LIN28B: variants seen among roughly 807,000 people sequenced by gnomAD.
LIN28B encodes the protein lin-28 RNA binding posttranscriptional regulator B.
Under a neutral mutation model 21.9 loss-of-function variants are expected in LIN28B, and 5 were observed. That is an observed-to-expected ratio of 0.23 (90% CI 0.12 to 0.48). LIN28B has a LOEUF of 0.48. Among genes scored for constraint, LIN28B ranks in the 20% least tolerant of loss-of-function variants. The probability of loss-of-function intolerance (pLI) is 0.98; values close to 1 mark genes in which losing one functional copy is unlikely to be tolerated. For synonymous variants in LIN28B, 109 were observed against 111.3 expected (o/e 0.98, Z 0.13); for missense variants, 245 against 310.5 (o/e 0.79, Z 1.58).
intron 2 of LIN28B, among the ~76,000 whole-genome samples, chr6:104,992,697 A>C (rs1770517239): frequency 6.6e-6 from 1 of 151,410 alleles, no homozygotes; most frequent in South Asian, 2.1e-4. Context: ...TTTTGTAGAG[A>C]TGGGATCTCT....
intron 3 of LIN28B, among the ~76,000 whole-genome samples, chr6:105,032,992 T>G (rs1241118313): frequency 1.3e-5 from 2 of 152,172 alleles, no homozygotes; most frequent in African/African-American, 4.8e-5. Context: ...TGACTGTGGC[T>G]TGTCGTTTCA....
At chr6:104,943,842 T>C (rs1482648407) in intron 2 of LIN28B, among the ~76,000 whole-genome samples, 1 of 152,170 alleles carries the variant, frequency 6.6e-6, no homozygotes, top group African/African-American at 2.4e-5. Context: ...ATTCTTTACA[T>C]TCAAATACTT....
At chr6:104,996,880 G>A (rs1314094050) in intron 2 of LIN28B, among the ~76,000 whole-genome samples, 1 of 152,192 alleles carries the variant, frequency 6.6e-6, no homozygotes, top group Non-Finnish European at 1.5e-5. Flanking sequence ...CTACTTGGGG[G>A]AAGCTAAGGT....
In LIN28B at chr6:105,078,764, A is replaced by C. The variant is rs1435713194; in HGVS notation, c.734A>C (p.Gln245Pro). ...EEQSKKGPSV[Q>P]KRKKT ...CAAAGCAAAAAGGGGCCTTCAGTTC[A>C]AAAAAGGAAAAAGACATAACAGGTC... Residue 245 changes from glutamine (Q) to proline (P), a missense_variant, in exon 4 of 4, where the codon CAA (glutamine) becomes CCA (proline). Physicochemically the swap from Gln to Pro is moderately conservative, Grantham distance 76 (BLOSUM62 -1). Transcript: ENST00000345080. The C allele has an allele frequency of 6.2e-7, 1 of 1,613,026 alleles. No individual in the cohort carries two copies. The highest frequency in any genetic ancestry group is 1.7e-5 in the Admixed American group (1 of 59,804).
chr6:104,949,321 C>G (rs2114551037), intron 2 of LIN28B, among the ~76,000 whole-genome samples: 1 of 152,286 alleles, frequency 6.6e-6, no homozygotes, highest in Non-Finnish European at 1.5e-5. Context: ...TAGGATCTGT[C>G]ATTATCTTGT....
At chr6:104,997,703 C>T (rs1770641670) in intron 2 of LIN28B, among the ~76,000 whole-genome samples, 1 of 152,140 alleles carries the variant, frequency 6.6e-6, no homozygotes, top group African/African-American at 2.4e-5. Context: ...TGGTAAGAAG[C>T]TCATACTTGT....
At chr6:104,955,603 T>C (rs1393722094), upstream of LIN28B, among the ~76,000 whole-genome samples, 1 of 152,024 alleles carries the variant, frequency 6.6e-6, no homozygotes, top group Admixed American at 6.6e-5. Context: ...CTTCGATTCA[T>C]AATCCCTACA....
intron 2 of LIN28B, among the ~76,000 whole-genome samples, chr6:104,975,401 T>G (rs189800113): frequency 3.3e-5 from 5 of 152,152 alleles, no homozygotes; most frequent in Non-Finnish European, 7.4e-5. Flanking sequence ...TTTAAATGCT[T>G]GCTAACACTA....
chr6:105,039,680 G>A (rs906458964), intron 3 of LIN28B, among the ~76,000 whole-genome samples: 9 of 152,126 alleles, frequency 5.9e-5, no homozygotes, highest in African/African-American at 2.2e-4. Context: ...TTAACCATTT[G>A]TTCAAGTTAT....
At chr6:105,042,027 A>G (rs749435519) in intron 3 of LIN28B, among the ~76,000 whole-genome samples, 10 of 152,178 alleles carry the variant, frequency 6.6e-5, no homozygotes, top group Non-Finnish European at 1.2e-4. Flanking sequence ...ATTCTCACAA[A>G]AGTTCAGAAT....
intron 2 of LIN28B, among the ~76,000 whole-genome samples, chr6:104,949,113 A>G (rs1778190181): frequency 6.6e-6 from 1 of 152,154 alleles, no homozygotes; most frequent in Non-Finnish European, 1.5e-5. Flanking sequence ...TCTTCTCTAA[A>G]TATAAGCAGA....
intron 2 of LIN28B, among the ~76,000 whole-genome samples, chr6:104,992,005 A>AGGGAGG (rs1211331069): frequency 3.6e-5 from 3 of 82,758 alleles, no homozygotes; most frequent in African/African-American, 4.7e-5. Context: ...CCGTGGAAAG[A>AGGGAGG]GGGAGGGGGA....
chr6:104,977,715 G>C (rs1770130085), intron 2 of LIN28B, among the ~76,000 whole-genome samples: 1 of 152,052 alleles, frequency 6.6e-6, no homozygotes, highest in African/African-American at 2.4e-5. Flanking sequence ...GTACAGGCGT[G>C]CGCCACCATG....
At chr6:104,975,841 C>CTT (rs532004311) in intron 2 of LIN28B, among the ~76,000 whole-genome samples, 105 of 135,374 alleles carry the variant, frequency 7.8e-4, no homozygotes, top group Middle Eastern at 3.9e-3. Flanking sequence ...TCTTCTTCTT[C>CTT]TTTTTTTTTT....
In LIN28B at chr6:105,082,256, A is replaced by G. The variant is rs1436137975; in HGVS notation, c.*3473A>G. ...GTAAGAAAAAAGATCAAGAAATGTC[A>G]TGTTATTAGCATCAGTCCACCTCCA... On this transcript the variant is annotated 3_prime_UTR_variant, in exon 4 of 4. Coordinates refer to ENST00000345080, the MANE Select transcript of LIN28B (RefSeq NM_001004317.4). 5 of 152,660 alleles carry G rather than the reference A, an allele frequency of 3.3e-5. No individual in the cohort carries two copies. The highest frequency in any genetic ancestry group is 9.6e-5 in the African/African-American group (4 of 41,468). 9.5% of individuals were successfully genotyped at this position (152,660 alleles called of 1,614,324 possible).
intron 2 of LIN28B, among the ~76,000 whole-genome samples, chr6:105,023,155 A>G (rs1771170776): frequency 7.6e-6 from 1 of 131,912 alleles, no homozygotes; most frequent in Non-Finnish European, 1.5e-5. Flanking sequence ...GCAAAGACAG[A>G]GTATTCTGTG....
At chr6:105,048,980 TTGA>T (rs1309182744) in intron 3 of LIN28B, among the ~76,000 whole-genome samples, 1 of 152,164 alleles carries the variant, frequency 6.6e-6, no homozygotes, top group African/African-American at 2.4e-5. Flanking sequence ...CCTGGATTCA[TTGA>T]TGTTTTGAAG....
chr6:104,996,450 C>T (rs1004448484), intron 2 of LIN28B, among the ~76,000 whole-genome samples: 2 of 152,142 alleles, frequency 1.3e-5, no homozygotes, highest in Non-Finnish European at 2.9e-5. Flanking sequence ...CAGATAGTGC[C>T]AAGACAGCTC....
intron 2 of LIN28B, among the ~76,000 whole-genome samples, chr6:105,023,105 CA>C (rs1395533422): frequency 4.2e-5 from 6 of 143,936 alleles, no homozygotes; most frequent in African/African-American, 1.5e-4. Flanking sequence ...TACCTTTCAA[CA>C]ATCTTTTCCA....
Sources: gnomAD v4.1 joint callset for allele counts (sites outside exome capture counted in the v4.1 genomes callset) on GRCh38, gnomAD v4.1.1 for gene constraint, MANE v1.5 for transcripts, NCBI Gene and HGNC (gene_info 2026-07-23, HGNC 2026-07-21) for gene names.